ARK2N: variants seen among roughly 807,000 people sequenced by gnomAD.
ARK2N encodes protein ARK2N.
the ARK2N span, among the ~76,000 whole-genome samples, chr18:46,259,481 A>G: frequency 6.6e-6 from 1 of 151,888 alleles, no homozygotes; most frequent in East Asian, 2.0e-4. Context: ...TGACCCCATG[A>G]TCCGCCTACC....
chr18:46,181,468 C>T, the ARK2N span, among the ~76,000 whole-genome samples: 1 of 132,666 alleles, frequency 7.5e-6, no homozygotes, highest in African/African-American at 3.5e-5. Flanking sequence ...GTAATCCCAG[C>T]ACTTTGGGAG....
chr18:46,238,620 C>A, the ARK2N span, among the ~76,000 whole-genome samples: 2 of 152,134 alleles, frequency 1.3e-5, no homozygotes, highest in African/African-American at 4.8e-5. Flanking sequence ...TTGTCATGAT[C>A]GTCAGAATTT....
chr18:46,254,313 A>G, the ARK2N span, among the ~76,000 whole-genome samples: 1 of 152,192 alleles, frequency 6.6e-6, no homozygotes. Context: ...GTTTTTACAG[A>G]GTGTATTTCC....
chr18:46,211,581 A>G, the ARK2N span, among the ~76,000 whole-genome samples: 1 of 152,218 alleles, frequency 6.6e-6, no homozygotes, highest in Non-Finnish European at 1.5e-5. Context: ...TGAAGGTGAT[A>G]GGTCAAAGGA....
the ARK2N span, among the ~76,000 whole-genome samples, chr18:46,201,583 C>T: frequency 1.3e-5 from 2 of 151,834 alleles, no homozygotes; most frequent in Non-Finnish European, 2.9e-5. Flanking sequence ...ATTCTAGATC[C>T]AAGTAATAAT....
At chr18:46,254,637 A>G in the ARK2N span, among the ~76,000 whole-genome samples, 1 of 152,230 alleles carries the variant, frequency 6.6e-6, no homozygotes, top group Admixed American at 6.5e-5. Context: ...TTATTTTAAC[A>G]ACCATGCTTG....
the ARK2N span, among the ~76,000 whole-genome samples, chr18:46,189,852 A>C: frequency 6.6e-6 from 1 of 152,150 alleles, no homozygotes. Context: ...TGACAGAGTG[A>C]GACACTGTCT....
the ARK2N span, among the ~76,000 whole-genome samples, chr18:46,221,453 G>A: frequency 2.7e-5 from 4 of 150,582 alleles, no homozygotes; most frequent in Admixed American, 6.6e-5. Flanking sequence ...CCAGCTACTC[G>A]GGAGGCTGAG....
At chr18:46,202,948 A>G in the ARK2N span, among the ~76,000 whole-genome samples, 1 of 152,162 alleles carries the variant, frequency 6.6e-6, no homozygotes. Context: ...TTCCACCAGA[A>G]TGACTAAAAT....
chr18:46,247,448 C>T, the ARK2N span, among the ~76,000 whole-genome samples: 13 of 152,230 alleles, frequency 8.5e-5, no homozygotes, highest in African/African-American at 3.1e-4. Flanking sequence ...TAACTAATTC[C>T]ATCATATTCT....
chr18:46,203,139 G>A, the ARK2N span, among the ~76,000 whole-genome samples: 1 of 152,162 alleles, frequency 6.6e-6, no homozygotes, highest in Non-Finnish European at 1.5e-5. Flanking sequence ...TAACTCCTGG[G>A]TATATATACA....
chr18:46,183,403 G>T, the ARK2N span, among the ~76,000 whole-genome samples: 2 of 152,116 alleles, frequency 1.3e-5, no homozygotes, highest in African/African-American at 4.8e-5. Context: ...TCTTTCTCTT[G>T]CTTCTTTTGC....
At chr18:46,260,195 A>G in the ARK2N span, among the ~76,000 whole-genome samples, 686 of 152,220 alleles carry the variant, frequency 4.5e-3, 7 homozygotes, top group African/African-American at 0.015. Flanking sequence ...TATAGCAATG[A>G]TTATCTGAAA....
the ARK2N span, among the ~76,000 whole-genome samples, chr18:46,222,627 A>G: frequency 6.6e-6 from 1 of 152,210 alleles, no homozygotes; most frequent in Non-Finnish European, 1.5e-5. Context: ...TTCTCAAAAT[A>G]GGATATATCT....
chr18:46,174,095 A>C, the ARK2N span: 1 of 152,576 alleles, frequency 6.6e-6, no homozygotes, highest in Non-Finnish European at 1.5e-5. Context: ...CGGACGACTG[A>C]AGGGACTTGG....
the ARK2N span, among the ~76,000 whole-genome samples, chr18:46,183,826 A>T: frequency 0.011 from 1,616 of 152,184 alleles, 35 homozygotes; most frequent in African/African-American, 0.036. Flanking sequence ...CCAAATTTTT[A>T]AAAAAATTTT....
chr18:46,189,212 CAAAAAAAAAA>C, the ARK2N span, among the ~76,000 whole-genome samples: 6 of 86,906 alleles, frequency 6.9e-5, no homozygotes, highest in Admixed American at 5.1e-4. Context: ...GAGACTGTCT[CAAAAAAAAAA>C]AAAAAAAAAA....
At chr18:46,239,193 C>G in the ARK2N span, among the ~76,000 whole-genome samples, 1 of 152,104 alleles carries the variant, frequency 6.6e-6, no homozygotes, top group Non-Finnish European at 1.5e-5. Context: ...AATTAATTTA[C>G]TTTGAAACTC....
At chr18:46,259,882 C>CGTGTGTGTGTGTGT in the ARK2N span, among the ~76,000 whole-genome samples, 1 of 39,320 alleles carries the variant, frequency 2.5e-5, no homozygotes, top group Non-Finnish European at 6.4e-5. Flanking sequence ...GTGATCCTCC[C>CGTGTGTGTGTGTGT]GTCTGTGTGT....
Sources: gnomAD v4.1 joint callset for allele counts (sites outside exome capture counted in the v4.1 genomes callset) on GRCh38, gnomAD v4.1.1 for gene constraint, MANE v1.5 for transcripts, NCBI Gene and HGNC (gene_info 2026-07-23, HGNC 2026-07-21) for gene names.